Variants in TAB2 observed in about 807,000 individuals in gnomAD.
The protein encoded by TAB2 is TGF-beta activated kinase 1 (MAP3K7) binding protein 2.
A neutral mutation model predicts 65.0 loss-of-function variants in TAB2; 3 were observed. That is an observed-to-expected ratio of 0.05 (90% confidence interval 0.02 to 0.12). The LOEUF is 0.12. Among genes scored for constraint, TAB2 ranks in the 10% least tolerant of loss-of-function variants. The pLI is 1.00. For missense variants in TAB2, 623 were observed against 840.3 expected (o/e 0.74, Z 3.20); for synonymous variants, 298 against 285.1 (o/e 1.05, Z -0.46).
chr6:149,263,030 C>A (rs1778187359), intron 1 of TAB2, among the ~76,000 whole-genome samples: 1 of 152,112 alleles, frequency 6.6e-6, no homozygotes, highest in Non-Finnish European at 1.5e-5. Flanking sequence ...GTCTCGAACT[C>A]CTGGCCTCAA....
intron 1 of TAB2, among the ~76,000 whole-genome samples, chr6:149,299,963 G>A (rs1318924757): frequency 6.6e-6 from 1 of 152,050 alleles, no homozygotes; most frequent in Non-Finnish European, 1.5e-5. Context: ...AGCTATGATT[G>A]TGCCACTGCA....
chr6:149,233,496 C>T (rs1434039574), intron 1 of TAB2, among the ~76,000 whole-genome samples: 4 of 152,140 alleles, frequency 2.6e-5, no homozygotes, highest in Non-Finnish European at 4.4e-5. Context: ...GGTTTGTCTC[C>T]TCCATTATAT....
chr6:149,245,988 C>A (rs1343032056), intron 1 of TAB2: 1 of 152,166 alleles, frequency 6.6e-6, no homozygotes. Flanking sequence ...GGCACGATCT[C>A]TGCTCACTAC....
At chr6:149,337,504 T>C (rs1676570703) in intron 1 of TAB2, among the ~76,000 whole-genome samples, 1 of 152,148 alleles carries the variant, frequency 6.6e-6, no homozygotes, top group South Asian at 2.1e-4. Context: ...CTTGCCAATT[T>C]TGTTCATTTG....
chr6:149,276,884 T>C (rs1778483962), intron 1 of TAB2, among the ~76,000 whole-genome samples: 1 of 152,262 alleles, frequency 6.6e-6, no homozygotes, highest in Non-Finnish European at 1.5e-5. Context: ...TCTTGATTTG[T>C]AGCTCCCATA....
intron 1 of TAB2, among the ~76,000 whole-genome samples, chr6:149,318,219 A>G (rs1200754162): frequency 6.7e-6 from 1 of 148,982 alleles, no homozygotes; most frequent in Non-Finnish European, 1.5e-5. Flanking sequence ...CGAGTCCCCC[A>G]GTCCGGTGGG....
At chr6:149,328,820 G>A (rs1779695230) in intron 1 of TAB2, among the ~76,000 whole-genome samples, 1 of 152,136 alleles carries the variant, frequency 6.6e-6, no homozygotes. Flanking sequence ...TATGGATAAG[G>A]ATTAGGCAGT....
chr6:149,355,667 C>CAAA (rs10534200), intron 1 of TAB2, among the ~76,000 whole-genome samples: 4 of 121,628 alleles, frequency 3.3e-5, no homozygotes, highest in Non-Finnish European at 3.7e-5. Context: ...AACTCCATCT[C>CAAA]AAAAAAAAAA....
intron 1 of TAB2, among the ~76,000 whole-genome samples, chr6:149,360,993 C>T (rs1780828480): frequency 6.6e-6 from 1 of 152,210 alleles, no homozygotes; most frequent in Non-Finnish European, 1.5e-5. Context: ...GCAGCCCTGC[C>T]TGTGTCTGCA....
intron 1 of TAB2, chr6:149,342,920 A>G (rs1176256965): frequency 6.6e-6 from 1 of 152,184 alleles, no homozygotes; most frequent in Non-Finnish European, 1.5e-5. Flanking sequence ...TTGACTTTCA[A>G]AACTTATAGT....
At chr6:149,244,287 C>T (rs147895195) in intron 1 of TAB2, 8 of 152,324 alleles carry the variant, frequency 5.3e-5, no homozygotes, top group Non-Finnish European at 8.8e-5. Flanking sequence ...TGCCAAAGGC[C>T]GGCAACTCGG....
At chr6:149,318,243 G>A (rs1779318389) in intron 1 of TAB2, among the ~76,000 whole-genome samples, 1 of 150,790 alleles carries the variant, frequency 6.6e-6, no homozygotes, top group Admixed American at 6.6e-5. Context: ...GGGGAGCATC[G>A]GGCCGGGCCT....
At chr6:149,270,872 G>T (rs1192659965) in intron 1 of TAB2, among the ~76,000 whole-genome samples, 1 of 152,108 alleles carries the variant, frequency 6.6e-6, no homozygotes, top group Non-Finnish European at 1.5e-5. Context: ...ATGACATAGA[G>T]GAGGTACTGT....
At position 149,379,269 on chromosome 6, in the gene TAB2, C is replaced by T. The variant is rs2114887942; in HGVS notation, c.1354C>T (p.Arg452Ter). Residue 452 changes from arginine to a stop codon, truncating the protein, a stop_gained, in exon 3 of 7, where the codon CGA (arginine) becomes TGA (stop). Coordinates refer to ENST00000637181, the MANE Select transcript of TAB2 (RefSeq NM_001292034.3). LOFTEE classifies it high-confidence loss of function. ...AGGCAATAACTCTGCAACCTCTCCT[C>T]GAGTGGTAGTCACTCAGCCCAATAC... is the stretch of plus-strand genomic sequence containing the variant. ...AIGNNSATSP[R>*]VVVTQPNTKY... 6.2e-7 allele frequency: 1 copy of T among 1,614,198 alleles called. No individual in the cohort carries two copies. The highest frequency in any genetic ancestry group is 8.5e-7 in the Non-Finnish European group (1 of 1,180,042).
At chr6:149,312,354 T>C (rs934637375) in intron 1 of TAB2, among the ~76,000 whole-genome samples, 1 of 152,176 alleles carries the variant, frequency 6.6e-6, no homozygotes, top group African/African-American at 2.4e-5. Flanking sequence ...GTGCTTTTTT[T>C]TAATTTTTTT....
chr6:149,344,937 C>T (rs1330588957), intron 1 of TAB2, among the ~76,000 whole-genome samples: 1 of 152,144 alleles, frequency 6.6e-6, no homozygotes, highest in Non-Finnish European at 1.5e-5. Context: ...TGATTATACT[C>T]TAGGCTCAGA....
chr6:149,343,347 T>G (rs968913502), intron 1 of TAB2, among the ~76,000 whole-genome samples: 30 of 152,220 alleles, frequency 2.0e-4, no homozygotes, highest in Middle Eastern at 6.8e-3. Context: ...GGCGTGCACC[T>G]GTAGTCCCAG....
chr6:149,338,105 C>T (rs567928025), intron 1 of TAB2, among the ~76,000 whole-genome samples: 76 of 152,258 alleles, frequency 5.0e-4, no homozygotes, highest in African/African-American at 1.4e-3. Context: ...GGAAAGGTAA[C>T]GTGTATATTG....
intron 1 of TAB2, among the ~76,000 whole-genome samples, chr6:149,232,258 C>T (rs1249827361): frequency 6.6e-6 from 1 of 152,010 alleles, no homozygotes; most frequent in Non-Finnish European, 1.5e-5. Flanking sequence ...GACGGACTCT[C>T]GCTCTGTCGC....
Sources: gnomAD v4.1 joint callset for allele counts (sites outside exome capture counted in the v4.1 genomes callset) on GRCh38, gnomAD v4.1.1 for gene constraint, MANE v1.5 for transcripts, NCBI Gene and HGNC (gene_info 2026-07-23, HGNC 2026-07-21) for gene names.